NOCT: variants seen among roughly 807,000 people sequenced by gnomAD.
NOCT encodes the protein nocturnin.
In NOCT, 18 loss-of-function variants were observed where a neutral mutation model predicts 35.0. The ratio of observed to expected loss-of-function variants is 0.51; its 90% CI spans 0.36 to 0.76. The LOEUF is 0.76. NOCT is among the 30% of genes least tolerant of loss of function. NOCT has a pLI of 0.01. For missense variants in NOCT, 479 were observed against 541.0 expected, an observed-to-expected ratio of 0.89 and a Z score of 1.14; for synonymous variants, 235 against 226.3, an observed-to-expected ratio of 1.04 and a Z score of -0.34.
At chr4:139,027,799 A>G (rs777638969) in intron 1 of NOCT, among the ~76,000 whole-genome samples, 9 of 152,138 alleles carry the variant, frequency 5.9e-5, no homozygotes, top group Non-Finnish European at 1.3e-4. Flanking sequence ...CGCCTGGCCT[A>G]TTTATGAACA....
At chr4:139,035,082 T>C (rs2148645791) in intron 1 of NOCT, among the ~76,000 whole-genome samples, 1 of 152,288 alleles carries the variant, frequency 6.6e-6, no homozygotes. Flanking sequence ...CTAACCACTG[T>C]AGTTGGCACC....
intron 1 of NOCT, among the ~76,000 whole-genome samples, chr4:139,016,735 C>T (rs1318598837): frequency 8.0e-5 from 12 of 149,114 alleles, no homozygotes; most frequent in Middle Eastern, 3.4e-3. Flanking sequence ...CTTACCGCAA[C>T]CTCCCGCTCC....
intron 1 of NOCT, among the ~76,000 whole-genome samples, chr4:139,042,420 G>A (rs749992503): frequency 2.0e-5 from 3 of 152,092 alleles, no homozygotes; most frequent in Non-Finnish European, 2.9e-5. Flanking sequence ...ATTTTGTTAA[G>A]CCTTGCTCTT....
At chr4:139,035,870 C>T (rs1475351646) in intron 1 of NOCT, among the ~76,000 whole-genome samples, 1 of 152,122 alleles carries the variant, frequency 6.6e-6, no homozygotes, top group Non-Finnish European at 1.5e-5. Context: ...ACGCATGTTC[C>T]TCAGGGATTT....
chr4:139,031,443 C>T (rs1021014811), intron 1 of NOCT, among the ~76,000 whole-genome samples: 4 of 151,974 alleles, frequency 2.6e-5, no homozygotes, highest in African/African-American at 9.7e-5. Flanking sequence ...GCCACCACGC[C>T]CGGCCTGCCC....
intron 1 of NOCT, among the ~76,000 whole-genome samples, chr4:139,034,283 C>A (rs1726684422): frequency 6.6e-6 from 1 of 152,028 alleles, no homozygotes; most frequent in Non-Finnish European, 1.5e-5. Flanking sequence ...GACCCAAACA[C>A]CTCCCATTGC....
chr4:139,016,216 C>T (rs970277098), intron 1 of NOCT, 45 bp downstream of exon 1: 9 of 1,178,368 alleles, frequency 7.6e-6, no homozygotes, highest in Non-Finnish European at 8.5e-6. Context: ...CGGCCGCCAA[C>T]GCGCGGCCGC....
In NOCT at chr4:139,016,114, C is replaced by A. The variant is rs977202712; in HGVS notation, c.133C>A (p.Arg45=). Residue 45 remains arginine, a synonymous_variant, in exon 1 of 3, where the codon CGG becomes AGG. Transcript: ENST00000280614. ...TGCTGTTCCCAGGCCCGCATCCCCC[C>A]GGCTGCTGGCGGCGGCCTCGGCGGC... is the stretch of plus-strand genomic sequence containing the variant. The part of the protein sequence containing the change: ...PAAVPRPASP[R]LLAAASAASG... 1 of 1,309,560 alleles carries A rather than the reference C, an allele frequency of 7.6e-7. No individual in the cohort carries two copies. The highest frequency in any genetic ancestry group is 2.4e-5 in the South Asian group (1 of 42,168). The allele number at this position is 1,309,560 out of a possible 1,614,324, so 81.1% of individuals were successfully genotyped here. A position where few individuals can be genotyped will look rare whatever the true frequency, so the allele number is the denominator to read the frequency against.
intron 1 of NOCT, among the ~76,000 whole-genome samples, chr4:139,025,536 C>T (rs980961562): frequency 6.6e-6 from 1 of 152,130 alleles, no homozygotes. Context: ...AGAGGCCAGG[C>T]GCGGTGGCTC....
At chr4:139,024,463 C>CT (rs953633866) in intron 1 of NOCT, among the ~76,000 whole-genome samples, 3 of 152,084 alleles carry the variant, frequency 2.0e-5, no homozygotes, top group African/African-American at 4.8e-5. Context: ...TTAATTGCTC[C>CT]TTTTTTCATA....
rs1482943963 is a variant in NOCT at position 139,043,242 on chromosome 4, C to T, written c.359C>T (p.Thr120Ile). The change falls in exon 2 of 3, where the codon ACC becomes ATC. Residue 120 changes from threonine to isoleucine, a missense_variant. Around this residue, in one of 2 missense-constraint regions of NOCT, gnomAD observed 265 missense variants for 257.0 expected, o/e 1.03. Coordinates refer to ENST00000280614, the MANE Select transcript of NOCT (RefSeq NM_012118.4). ...LLEECRAVLH[T>I]RPPRFQRDFV... Reference sequence around the variant, plus strand: ...GAGGAATGCAGGGCCGTCCTGCACACCCGACCTCCCCGGTTCCAGAGGGAT... The same window carrying T: ...GAGGAATGCAGGGCCGTCCTGCACATCCGACCTCCCCGGTTCCAGAGGGAT... The T allele has an allele frequency of 3.1e-6, 5 of 1,614,070 alleles. No individual in the cohort carries two copies. Among genetic ancestry groups the T allele is most frequent in the Non-Finnish European group, 4.2e-6 (5 of 1,180,030 alleles).
At chr4:139,038,581 T>A (rs1218787126) in intron 1 of NOCT, among the ~76,000 whole-genome samples, 1 of 152,226 alleles carries the variant, frequency 6.6e-6, no homozygotes, top group Non-Finnish European at 1.5e-5. Context: ...ATTCATCTCA[T>A]ATATACACAG....
chr4:139,031,441 G>A lies in NOCT; in HGVS notation c.191-11633G>A, dbSNP rs539785692. On this transcript the variant is annotated intron_variant, in intron 1 of 2. Coordinates refer to ENST00000280614, the MANE Select transcript of NOCT (RefSeq NM_012118.4). ...TGGGTTTACAGGTGTGAGCCACCAC[G>A]CCCGGCCTGCCCTGAGTGATTCCTT... Among the ~76,000 whole-genome samples, 9 of 152,072 alleles carry A rather than the reference G, an allele frequency of 5.9e-5. No individual in the cohort carries two copies. The South Asian group carries it at 1.7e-3, about 28-fold the overall frequency.
At chr4:139,030,728 G>A (rs1726608479) in intron 1 of NOCT, among the ~76,000 whole-genome samples, 1 of 152,160 alleles carries the variant, frequency 6.6e-6, no homozygotes, top group African/African-American at 2.4e-5. Flanking sequence ...AAGATGGCCA[G>A]GTATTCTGGA....
At chr4:139,042,670 C>A (rs1383787301) in intron 1 of NOCT, among the ~76,000 whole-genome samples, 1 of 152,100 alleles carries the variant, frequency 6.6e-6, no homozygotes, top group Non-Finnish European at 1.5e-5. Flanking sequence ...AATCCCAGCA[C>A]TTTGGGAGGC....
chr4:139,040,322 G>C (rs1430276071), intron 1 of NOCT, among the ~76,000 whole-genome samples: 1 of 151,992 alleles, frequency 6.6e-6, no homozygotes, highest in Non-Finnish European at 1.5e-5. Context: ...TTACAGGCTT[G>C]AGACACCGCG....
chr4:139,044,498 A>G (rs1444204496), intron 2 of NOCT, 141 bp from the exon 3 acceptor site: 1 of 608,330 alleles, frequency 1.6e-6, no homozygotes, highest in Non-Finnish European at 2.9e-6. Flanking sequence ...TGGATGGGGT[A>G]ATACAGTTTG....
chr4:139,020,178 C>T (rs148824389), intron 1 of NOCT, among the ~76,000 whole-genome samples: 2 of 152,286 alleles, frequency 1.3e-5, no homozygotes, highest in African/African-American at 4.8e-5. Flanking sequence ...ACCATGGCTC[C>T]AGATTCACAT....
intron 1 of NOCT, among the ~76,000 whole-genome samples, chr4:139,019,583 A>G (rs746277716): frequency 1.1e-4 from 17 of 152,244 alleles, no homozygotes; most frequent in Non-Finnish European, 1.5e-4. Context: ...GGTGGGGAGT[A>G]GTGAGTCCCG....
Sources: allele counts gnomAD v4.1 joint callset (sites outside exome capture counted in the v4.1 genomes callset), GRCh38; gene constraint gnomAD v4.1.1; regional missense constraint gnomAD v4.1.1; transcripts MANE v1.5; gene names NCBI Gene and HGNC (gene_info 2026-07-23, HGNC 2026-07-21).